The following PRH1 variants were observed in gnomAD, a reference collection of about 807,000 sequenced individuals.
PRH1 encodes the protein proline rich protein HaeIII subfamily 1.
PRH1 carries 7 observed loss-of-function variants against 7.9 expected under a neutral mutation model. The observed-to-expected ratio is 0.89, with a 90% CI of 0.50 to 1.67. The LOEUF (loss-of-function observed/expected upper bound fraction) is 1.67. Among genes scored for constraint, PRH1 ranks in the 40% most tolerant of loss-of-function variants. The pLI, the probability that PRH1 is intolerant of heterozygous loss-of-function variation, is 0.00. For synonymous variants in PRH1, 45 were observed against 80.8 expected, an observed-to-expected ratio of 0.56 and a Z score of 2.38; for missense variants, 109 against 223.6, an observed-to-expected ratio of 0.49 and a Z score of 3.27.
At position 10,882,254 on chromosome 12, in the gene PRH1, T is replaced by C. The variant is rs199688055; in HGVS notation, c.545A>G (p.Gln182Arg). The change falls in exon 3 of 4, where the codon CAG becomes CGG. Residue 182 changes from glutamine (Q) to arginine (R), a missense_variant. By Grantham distance (43) the Gln-to-Arg change is conservative (BLOSUM62 1). Coordinates refer to ENST00000543626, the MANE Select transcript of PRH1 (RefSeq NM_001393989.1). ...CCTAGATTACTGAGGAGACTGCCCC[T>C]GTGGAGGTCCTTGTGGGCGGCCCCC... ...PQGGRPQGPP[Q>R]GQSPQ is the part of the protein sequence containing the mutation. 2.7e-4 allele frequency: 432 copies of C among 1,613,540 alleles called. 1 individual carries two copies. The African/African-American group carries it at 5.0e-3, about 19-fold the overall frequency.
intron 1 of PRH1, chr12:11,030,701 T>G (rs569826674): frequency 6.2e-7 from 1 of 1,614,084 alleles, no homozygotes; most frequent in Non-Finnish European, 8.5e-7. Flanking sequence ...TCCTTTACCA[T>G]GGAGCTGCAT....
chr12:11,171,596 G>T, upstream of PRH1: 9 of 1,217,266 alleles, frequency 7.4e-6, no homozygotes, highest in Non-Finnish European at 8.2e-6. Flanking sequence ...TCCGGGGCCA[G>T]CATGATGGCC....
intron 1 of PRH1, among the ~76,000 whole-genome samples, chr12:10,983,228 G>C (rs961610091): frequency 1.3e-5 from 2 of 152,168 alleles, no homozygotes; most frequent in Non-Finnish European, 2.9e-5. Flanking sequence ...ACTACCTTCT[G>C]TCTGAAAAAC....
chr12:11,134,050 A>T lies in PRH1; in HGVS notation n.40-12870T>A, dbSNP rs185576176. 1.9e-5 allele frequency: 30 copies of T among 1,614,138 alleles called. No homozygotes were observed. The East Asian group carries it at 6.2e-4, about 34-fold the overall frequency. ...CTGGATTCAACTGAGTTGCATACCA[A>T]TGTAGTAATAACACCCAGAGCAAAC... On this transcript the variant is annotated intron_variant and non_coding_transcript_variant, in intron 1 of 1. Coordinates refer to the PRH1 transcript ENST00000541175.
intron 2 of PRH1, among the ~76,000 whole-genome samples, chr12:10,911,483 A>G (rs537943495): frequency 1.1e-4 from 16 of 152,342 alleles, no homozygotes; most frequent in Admixed American, 2.6e-4. Context: ...CTTTTTCAGC[A>G]GTCTGAACTG....
intron 1 of PRH1, among the ~76,000 whole-genome samples, chr12:11,041,713 A>G (rs960628869): frequency 1.3e-5 from 2 of 152,228 alleles, no homozygotes; most frequent in African/African-American, 4.8e-5. Flanking sequence ...TCTCAAGGAT[A>G]GACCATATGT....
intron 1 of PRH1, among the ~76,000 whole-genome samples, chr12:11,083,675 A>G (rs1405113955): frequency 6.6e-6 from 1 of 152,296 alleles, no homozygotes; most frequent in Non-Finnish European, 1.5e-5. Context: ...CTTCTTGTTG[A>G]TAACATTTCC....
chr12:10,951,001 T>A (rs1377914997), intron 2 of PRH1, among the ~76,000 whole-genome samples: 5 of 152,164 alleles, frequency 3.3e-5, no homozygotes, highest in African/African-American at 9.6e-5. Context: ...AGTAAAATTC[T>A]TGGTTCTTCT....
chr12:11,107,967 A>T (rs1945475977), intron 1 of PRH1, among the ~76,000 whole-genome samples: 1 of 152,254 alleles, frequency 6.6e-6, no homozygotes, highest in South Asian at 2.1e-4. Context: ...CAGACTTTTC[A>T]GTGGAAAAAG....
At chr12:11,000,805 T>G (rs773496994) in intron 1 of PRH1, among the ~76,000 whole-genome samples, 1 of 152,102 alleles carries the variant, frequency 6.6e-6, no homozygotes, top group Non-Finnish European at 1.5e-5. Context: ...ACTAATTCTC[T>G]CTTCTATGTC....
At chr12:11,061,557 G>C in intron 1 of PRH1, 1 of 1,453,024 alleles carries the variant, frequency 6.9e-7, no homozygotes, top group South Asian at 1.2e-5. Context: ...AAACTGACAT[G>C]ATTATGGACA....
chr12:11,083,749 G>T (rs1465757431), intron 1 of PRH1, among the ~76,000 whole-genome samples: 1 of 152,266 alleles, frequency 6.6e-6, no homozygotes, highest in Non-Finnish European at 1.5e-5. Context: ...TCTCACTTTA[G>T]AATTTCACCA....
At chr12:10,900,422 A>C (rs10743934) in intron 2 of PRH1, among the ~76,000 whole-genome samples, 75,431 of 152,110 alleles carry the variant, frequency 0.5, 20,951 homozygotes, top group East Asian at 0.72. Flanking sequence ...TTTGGTAACT[A>C]AGCAGCGTAG....
chr12:11,162,309 T>G (rs34808476), intron 1 of PRH1, among the ~76,000 whole-genome samples: 32,195 of 152,154 alleles, frequency 0.21, 4,000 homozygotes, highest in Non-Finnish European at 0.27. Context: ...AATCTACCAT[T>G]GTATTCCTCC....
At chr12:10,909,339 T>C in intron 2 of PRH1, 1 of 1,403,846 alleles carries the variant, frequency 7.1e-7, no homozygotes, top group Non-Finnish European at 1.0e-6. Context: ...TCACTGCTGG[T>C]TATTCACTGA....
At chr12:11,035,451 T>C (rs1942396985) in intron 1 of PRH1, among the ~76,000 whole-genome samples, 1 of 152,230 alleles carries the variant, frequency 6.6e-6, no homozygotes, top group Non-Finnish European at 1.5e-5. Context: ...AATTGATTAC[T>C]CTTTTTGTTT....
At chr12:11,063,051 T>C (rs1417614422) in intron 1 of PRH1, among the ~76,000 whole-genome samples, 1 of 152,076 alleles carries the variant, frequency 6.6e-6, no homozygotes, top group Non-Finnish European at 1.5e-5. Flanking sequence ...GTTAGTCCTA[T>C]TTTCCCACTC....
intron 1 of PRH1, among the ~76,000 whole-genome samples, chr12:11,161,282 T>C (rs1019679767): frequency 2.6e-5 from 4 of 152,184 alleles, no homozygotes; most frequent in African/African-American, 9.6e-5. Context: ...TTAAATCATA[T>C]TGTTTGAAAC....
At chr12:10,904,742 C>G (rs1039300734) in intron 2 of PRH1, among the ~76,000 whole-genome samples, 1 of 152,064 alleles carries the variant, frequency 6.6e-6, no homozygotes, top group East Asian at 1.9e-4. Context: ...AGTAAACAGA[C>G]AACCTATAGA....
Sources: allele counts gnomAD v4.1 joint callset (sites outside exome capture counted in the v4.1 genomes callset), GRCh38; gene constraint gnomAD v4.1.1; transcripts MANE v1.5; gene names NCBI Gene and HGNC (gene_info 2026-07-23, HGNC 2026-07-21).